CC2D2B: variants seen among roughly 807,000 people sequenced by gnomAD.
CC2D2B encodes protein CC2D2B.
In CC2D2B, 128 loss-of-function variants were observed where a neutral mutation model predicts 161.2. The ratio of observed to expected loss-of-function variants is 0.79; its 90% CI spans 0.69 to 0.92. The LOEUF (loss-of-function observed/expected upper bound fraction) is 0.92. Ranked by LOEUF, CC2D2B falls within the 40% of genes least tolerant of loss-of-function variation. The pLI is 0.00. For missense variants in CC2D2B, 1,173 were observed against 1,375.1 expected (o/e 0.85, Z 2.32); for synonymous variants, 391 against 449.8 (o/e 0.87, Z 1.65).
intron 24 of CC2D2B, among the ~76,000 whole-genome samples, chr10:95,999,441 T>C (rs1224002593): frequency 1.3e-5 from 2 of 152,168 alleles, no homozygotes; most frequent in Non-Finnish European, 2.9e-5. Context: ...TCATTACTTT[T>C]GTCTGTTTTT....
chr10:95,913,887 T>C (rs1054966024), intron 2 of CC2D2B, among the ~76,000 whole-genome samples: 1 of 152,190 alleles, frequency 6.6e-6, no homozygotes, highest in African/African-American at 2.4e-5. Flanking sequence ...GATACATAGT[T>C]TGCATATATT....
chr10:96,030,416 C>T (rs949163691), intron 34 of CC2D2B, among the ~76,000 whole-genome samples: 2 of 151,980 alleles, frequency 1.3e-5, no homozygotes, highest in African/African-American at 4.8e-5. Flanking sequence ...CCTCAGCCTC[C>T]CAAGAGTGAG....
At chr10:95,907,813 G>A (rs2098498662), upstream of CC2D2B, 1 of 152,518 alleles carries the variant, frequency 6.6e-6, no homozygotes, top group Admixed American at 6.5e-5. Context: ...GGGGGTGATA[G>A]ACCCCGGCGG....
At chr10:95,994,218 T>A (rs984784370) in intron 22 of CC2D2B, among the ~76,000 whole-genome samples, 1 of 151,202 alleles carries the variant, frequency 6.6e-6, no homozygotes, top group Admixed American at 6.6e-5. Flanking sequence ...GGGTGAGTCG[T>A]CCAAGTGATT....
At chr10:95,974,858 G>T (rs2077260039) in intron 17 of CC2D2B, among the ~76,000 whole-genome samples, 1 of 152,198 alleles carries the variant, frequency 6.6e-6, no homozygotes, top group Non-Finnish European at 1.5e-5. Context: ...AGAATGAATA[G>T]TTGGAGCACA....
At chr10:95,931,459 T>C (rs1258205032) in intron 6 of CC2D2B, among the ~76,000 whole-genome samples, 6 of 152,226 alleles carry the variant, frequency 3.9e-5, no homozygotes, top group Non-Finnish European at 8.8e-5. Flanking sequence ...CTCCAGTTCT[T>C]TTAATTGTGA....
chr10:95,968,946 A>G, intron 15 of CC2D2B, 45 bp downstream of exon 15: 1 of 1,089,580 alleles, frequency 9.2e-7, no homozygotes, highest in East Asian at 3.2e-5. Context: ...TATGCCATAC[A>G]TAATTTAAAA....
chr10:95,923,507 C>T (rs1439292601), intron 3 of CC2D2B, among the ~76,000 whole-genome samples: 2 of 152,066 alleles, frequency 1.3e-5, no homozygotes, highest in African/African-American at 4.8e-5. Flanking sequence ...TTTTTAGATT[C>T]CTGTCTTTTC....
chr10:95,920,685 C>T (rs1216090313), intron 2 of CC2D2B: 1 of 152,154 alleles, frequency 6.6e-6, no homozygotes, highest in African/African-American at 2.4e-5. Context: ...GGGTCTCGCC[C>T]AAGGTCGTGG....
Position 95,982,113 on chromosome 10 carries a change from G to A in CC2D2B, c.2082G>A (p.Thr694=), listed in dbSNP as rs140702812. The stretch of plus-strand genomic sequence containing the variant: ...ATTCTGATTTAATGGAATCTGTTAC[G>A]GTAAGTTAAAGCAAATATCAATACT... ...PEYSDLMESV[T]YMRLKGQDIP... Residue 694 remains threonine, a splice_region_variant and synonymous_variant, in exon 18 of 35, where the codon ACG becomes ACA. Coordinates refer to ENST00000646931, the MANE Select transcript of CC2D2B (RefSeq NM_001349008.3). The A allele has an allele frequency of 3.3e-5, 41 of 1,227,232 alleles. No homozygotes were observed. In the Admixed American group the frequency reaches 3.8e-4, roughly 11 times the overall value. The allele number at this position is 1,227,232 out of a possible 1,614,324, so 76.0% of individuals were successfully genotyped here.
rs1464825409 is a variant in CC2D2B at position 96,031,946 on chromosome 10, C to A, written c.4252C>A (p.Pro1418Thr). The change falls in exon 35 of 35, where the codon CCA becomes ACA. Residue 1418 changes from proline to threonine, a missense_variant. This residue lies in a region of CC2D2B where 598 missense variants were observed against 693.2 expected (regional missense o/e 0.86). Transcript: ENST00000646931. ...ATTTGCTTTAGCTGTATACATTCAC[C>A]CATACCCAAACAACATATTATCTGT... ...TEFALAVYIH[P>T]YPNNILSVWV... The A allele has an allele frequency of 1.2e-6, 2 of 1,613,722 alleles. No homozygotes were observed. Among genetic ancestry groups the A allele is most frequent in the South Asian group, 1.1e-5 (1 of 91,068 alleles).
intron 17 of CC2D2B, among the ~76,000 whole-genome samples, chr10:95,979,394 G>T (rs916276674): frequency 6.6e-6 from 1 of 152,190 alleles, no homozygotes; most frequent in Non-Finnish European, 1.5e-5. Context: ...TTATGGGGCA[G>T]TGTCTGTGTC....
intron 23 of CC2D2B, 131 bp downstream of exon 23, chr10:95,995,496 G>A (rs918858459): frequency 1.9e-6 from 1 of 523,786 alleles, no homozygotes. Context: ...CAGTAAAGGT[G>A]GCCTTTATAA....
chr10:96,023,782 G>A (rs550029405), intron 32 of CC2D2B, among the ~76,000 whole-genome samples: 6 of 152,316 alleles, frequency 3.9e-5, no homozygotes, highest in Admixed American at 2.6e-4. Flanking sequence ...CAGAGCCAGC[G>A]GAAGGGGAGC....
intron 11 of CC2D2B, among the ~76,000 whole-genome samples, chr10:95,959,102 T>G (rs1448437963): frequency 2.0e-5 from 3 of 152,094 alleles, no homozygotes; most frequent in African/African-American, 7.2e-5. Context: ...AAAATACAAC[T>G]AATCAAACAT....
chr10:96,004,137 T>A lies in CC2D2B; in HGVS notation c.2850-15T>A. Reference sequence around the variant, plus strand: ...GAGAAAATTAAGCATTTGAATATATTTTTCTTATTTGCAGCTCACCAGGAC... The same window carrying A: ...GAGAAAATTAAGCATTTGAATATATATTTCTTATTTGCAGCTCACCAGGAC... On this transcript the variant is annotated splice_polypyrimidine_tract_variant and intron_variant, in intron 24 of 34. Coordinates refer to ENST00000646931, the MANE Select transcript of CC2D2B (RefSeq NM_001349008.3). 7.0e-7 allele frequency: 1 copy of A among 1,434,774 alleles called. No individual in the cohort carries two copies. The highest frequency in any genetic ancestry group is 9.5e-7 in the Non-Finnish European group (1 of 1,055,600). The allele number at this position is 1,434,774 out of a possible 1,614,324, so 88.9% of individuals were successfully genotyped here.
intron 11 of CC2D2B, chr10:95,961,474 C>A (rs2076759813): frequency 6.5e-6 from 1 of 153,644 alleles, no homozygotes; most frequent in Non-Finnish European, 1.4e-5. Flanking sequence ...TTGCAGTGAG[C>A]TGAGATCGTG....
At chr10:96,027,124 A>T in intron 33 of CC2D2B, 88 bp from the exon 34 acceptor site, 1 of 274,290 alleles carries the variant, frequency 3.6e-6, no homozygotes, top group Non-Finnish European at 6.2e-6. Flanking sequence ...ACTTCGTCTC[A>T]AAAAAAAAAA....
chr10:95,922,999 C>T (rs1211788977), intron 3 of CC2D2B, among the ~76,000 whole-genome samples: 1 of 150,770 alleles, frequency 6.6e-6, no homozygotes, highest in African/African-American at 2.4e-5. Flanking sequence ...ATTGCTCAGA[C>T]TGGAGTGCAA....
Sources: gnomAD v4.1 joint callset for allele counts (sites outside exome capture counted in the v4.1 genomes callset) on GRCh38, gnomAD v4.1.1 for gene constraint, gnomAD v4.1.1 regional missense constraint, MANE v1.5 for transcripts, NCBI Gene and HGNC (gene_info 2026-07-23, HGNC 2026-07-21) for gene names.